The following WWOX variants were observed in gnomAD, a reference collection of about 807,000 sequenced individuals.
WWOX encodes WW domain containing oxidoreductase, also known as WW domain-containing oxidoreductase.
In WWOX, 69 loss-of-function variants were observed where a neutral mutation model predicts 46.2. That is an observed-to-expected ratio of 1.49 (90% CI 1.23 to 1.82). WWOX has a LOEUF of 1.82. WWOX is among the 40% of genes most tolerant of loss of function. The pLI is 0.00. For missense variants in WWOX, 919 were observed against 542.6 expected, an observed-to-expected ratio of 1.69 and a Z score of -6.89; for synonymous variants, 359 against 202.6, an observed-to-expected ratio of 1.77 and a Z score of -6.56.
chr16:78,581,227 G>T (rs760347585), intron 8 of WWOX, among the ~76,000 whole-genome samples: 7 of 152,140 alleles, frequency 4.6e-5, no homozygotes, highest in Non-Finnish European at 7.3e-5. Context: ...TGAACTAATT[G>T]CTAAAATGAC....
intron 8 of WWOX, among the ~76,000 whole-genome samples, chr16:79,150,591 C>G (rs1375210535): frequency 6.6e-6 from 1 of 152,174 alleles, no homozygotes; most frequent in Non-Finnish European, 1.5e-5. Context: ...TAGCTATAAA[C>G]TTGCCAGAAC....
At chr16:78,762,693 C>G (rs1057098223) in intron 8 of WWOX, among the ~76,000 whole-genome samples, 25 of 152,168 alleles carry the variant, frequency 1.6e-4, no homozygotes, top group African/African-American at 5.6e-4. Flanking sequence ...TCCACTGTGG[C>G]TGAGAACAGC....
chr16:78,560,133 A>C (rs78331533), intron 8 of WWOX, among the ~76,000 whole-genome samples: 1 of 152,202 alleles, frequency 6.6e-6, no homozygotes, highest in African/African-American at 2.4e-5. Flanking sequence ...AAAATATTCT[A>C]TACAAAAAAT....
chr16:78,947,524 T>C (rs1209804827), intron 8 of WWOX, among the ~76,000 whole-genome samples: 1 of 151,894 alleles, frequency 6.6e-6, no homozygotes, highest in Non-Finnish European at 1.5e-5. Context: ...GCTGGGAGCC[T>C]TTCGGCTGGA....
chr16:78,691,946 G>C (rs888315803), intron 8 of WWOX, among the ~76,000 whole-genome samples: 3 of 152,180 alleles, frequency 2.0e-5, no homozygotes, highest in Admixed American at 6.5e-5. Flanking sequence ...TAGTGAATAA[G>C]TCTCATGAGA....
At chr16:78,351,480 TG>T (rs1373008897) in intron 5 of WWOX, among the ~76,000 whole-genome samples, 2 of 152,092 alleles carry the variant, frequency 1.3e-5, no homozygotes, top group Non-Finnish European at 1.5e-5. Context: ...ACGCTTTAGG[TG>T]GGGCAGAGGG....
intron 8 of WWOX, among the ~76,000 whole-genome samples, chr16:79,144,755 G>T (rs2050153459): frequency 6.6e-6 from 1 of 152,102 alleles, no homozygotes; most frequent in African/African-American, 2.4e-5. Context: ...CAAGGTTTCA[G>T]TTATACATTG....
At chr16:78,945,693 C>T (rs1022073421) in intron 8 of WWOX, among the ~76,000 whole-genome samples, 2 of 151,886 alleles carry the variant, frequency 1.3e-5, no homozygotes, top group African/African-American at 2.4e-5. Context: ...CCTTGTATGC[C>T]CCCCTTTCTC....
At chr16:78,180,069 T>A (rs1374444317) in intron 5 of WWOX, among the ~76,000 whole-genome samples, 2 of 152,236 alleles carry the variant, frequency 1.3e-5, no homozygotes, top group African/African-American at 2.4e-5. Flanking sequence ...ATTGGTTTCA[T>A]GTTGATGTTA....
At chr16:78,877,278 TCCC>T (rs34589667) in intron 8 of WWOX, among the ~76,000 whole-genome samples, 1 of 149,514 alleles carries the variant, frequency 6.7e-6, no homozygotes, top group African/African-American at 2.5e-5. Flanking sequence ...CCTGCCTGCC[TCCC>T]CCCCTCTGAC....
intron 8 of WWOX, among the ~76,000 whole-genome samples, chr16:78,520,646 C>T (rs1331813873): frequency 3.9e-5 from 6 of 151,918 alleles, no homozygotes; most frequent in African/African-American, 9.7e-5. Context: ...CAGGGCAGGA[C>T]GGCCCTGGCT....
chr16:78,946,582 A>T (rs1043102102), intron 8 of WWOX, among the ~76,000 whole-genome samples: 1 of 152,212 alleles, frequency 6.6e-6, no homozygotes, highest in Non-Finnish European at 1.5e-5. Flanking sequence ...ATGAAGAAAC[A>T]TCAGAGTTCA....
chr16:78,540,018 T>TCACACACACA (rs764527946), intron 8 of WWOX, among the ~76,000 whole-genome samples: 17 of 102,556 alleles, frequency 1.7e-4, no homozygotes, highest in African/African-American at 4.6e-4. Context: ...TCTCTCTCTC[T>TCACACACACA]CTCACACACA....
At chr16:78,525,420 C>G (rs535528458) in intron 8 of WWOX, 1 of 151,976 alleles carries the variant, frequency 6.6e-6, no homozygotes, top group Non-Finnish European at 1.5e-5. Context: ...CTCCTGACCT[C>G]GTGATCCACC....
intron 4 of WWOX, among the ~76,000 whole-genome samples, chr16:78,158,920 A>T (rs528607216): frequency 1.3e-5 from 2 of 152,046 alleles, no homozygotes; most frequent in African/African-American, 4.8e-5. Flanking sequence ...CCTTTGGCTA[A>T]TACCTCCTTG....
At chr16:78,856,878 T>G (rs1220059655) in intron 8 of WWOX, among the ~76,000 whole-genome samples, 1 of 152,120 alleles carries the variant, frequency 6.6e-6, no homozygotes, top group East Asian at 1.9e-4. Flanking sequence ...CATCATAGAG[T>G]ATACCTATAC....
chr16:78,462,410 T>A (rs1427990550), intron 8 of WWOX, among the ~76,000 whole-genome samples: 4 of 152,194 alleles, frequency 2.6e-5, no homozygotes, highest in Admixed American at 6.5e-5. Flanking sequence ...AGATTTATCC[T>A]GTTGTCGCTA....
At position 78,108,434 on chromosome 16, in the gene WWOX, A is replaced by G. The variant is rs778346490; in HGVS notation, c.119A>G (p.Glu40Gly). Residue 40 changes from glutamate (E) to glycine (G), a missense_variant, in exon 2 of 9, where the codon GAG becomes GGG. Glu to Gly is a moderately conservative substitution (Grantham distance 98). Coordinates refer to ENST00000566780, the MANE Select transcript of WWOX (RefSeq NM_016373.4). Reference protein sequence around the residue: ...GWVYYANHTEEKTQWEHPKTG... With the variant: ...GWVYYANHTEGKTQWEHPKTG... ...TTGTTTTTTAACAGTCACACCGAGG[A>G]GAAGACTCAGTGGGAACATCCAAAA... 24 of 1,613,550 alleles carry G rather than the reference A, an allele frequency of 1.5e-5. No individual in the cohort carries two copies. Among genetic ancestry groups the G allele is most frequent in the Non-Finnish European group, 2.0e-5 (24 of 1,179,864 alleles).
chr16:78,805,846 G>A (rs940946503), intron 8 of WWOX, among the ~76,000 whole-genome samples: 1 of 152,116 alleles, frequency 6.6e-6, no homozygotes, highest in Non-Finnish European at 1.5e-5. Context: ...CAAGATCTGC[G>A]AATATAGAAA....
Sources: gnomAD v4.1 joint callset for allele counts (sites outside exome capture counted in the v4.1 genomes callset) on GRCh38, gnomAD v4.1.1 for gene constraint, MANE v1.5 for transcripts, NCBI Gene and HGNC (gene_info 2026-07-23, HGNC 2026-07-21) for gene names.